Variants in UGT1A5 observed in about 807,000 individuals in gnomAD.
The protein encoded by UGT1A5 is UDP glucuronosyltransferase family 1 member A5, also known as UDP-glucuronosyltransferase 1A5.
UGT1A5 carries 29 observed loss-of-function variants against 40.3 expected under a neutral mutation model. The ratio of observed to expected loss-of-function variants is 0.72; its 90% CI spans 0.54 to 0.98. The LOEUF is 0.98. UGT1A5 is among the 50% of genes least tolerant of loss of function. The pLI is 0.00. For missense variants in UGT1A5, 678 were observed against 677.9 expected, an observed-to-expected ratio of 1.00 and a Z score of 0.00; for synonymous variants, 257 against 262.5, an observed-to-expected ratio of 0.98 and a Z score of 0.20.
intron 1 of UGT1A5, chr2:233,729,586 G>T (rs138085546): frequency 2.5e-6 from 4 of 1,614,044 alleles, no homozygotes; most frequent in Non-Finnish European, 2.5e-6. Flanking sequence ...AACAGACCCC[G>T]TTAACCTCTG....
intron 2 of UGT1A5, 103 bp from the exon 3 acceptor site, chr2:233,767,746 A>G (rs1269401537): frequency 1.3e-6 from 2 of 1,589,042 alleles, no homozygotes; most frequent in Non-Finnish European, 1.7e-6. Flanking sequence ...TCTGTTAAAG[A>G]CTGTTCCTTC....
rs945545582 is a variant in UGT1A5, at chr2:233,772,813, G to A, written c.*254G>A. On this transcript the variant is annotated 3_prime_UTR_variant, in exon 5 of 5. Coordinates refer to ENST00000373414, the MANE Select transcript of UGT1A5 (RefSeq NM_019078.2). ...TGACATGTGCCATTTTTCAGAGGAC[G>A]TGCAGACAGGCTGGCATTCTAGATT... 2 of 1,026,302 alleles carry A rather than the reference G, an allele frequency of 1.9e-6. No individual in the cohort carries two copies. Among genetic ancestry groups the A allele is most frequent in the Admixed American group, 3.1e-5 (1 of 32,076 alleles). 63.6% of individuals were successfully genotyped at this position (1,026,302 alleles called of 1,614,324 possible).
intron 1 of UGT1A5, chr2:233,743,004 A>G (rs1469348172): frequency 4.2e-6 from 1 of 237,384 alleles, no homozygotes; most frequent in Admixed American, 5.1e-5. Context: ...GCATACAGAT[A>G]TTTTACAACG....
At chr2:233,734,911 G>C (rs1486210050) in intron 1 of UGT1A5, among the ~76,000 whole-genome samples, 1 of 152,162 alleles carries the variant, frequency 6.6e-6, no homozygotes, top group African/African-American at 2.4e-5. Context: ...TTTTACATTT[G>C]CTAAGGAGTG....
At chr2:233,752,890 C>A (rs537828663) in intron 1 of UGT1A5, among the ~76,000 whole-genome samples, 13 of 152,204 alleles carry the variant, frequency 8.5e-5, no homozygotes, top group Admixed American at 7.2e-4. Context: ...AACTAGCCAG[C>A]GTTGTTACAG....
rs374909970 is a variant in UGT1A5 at position 233,712,971 on chromosome 2, C to T, written c.-21C>T. 564 of 1,612,936 alleles carry T rather than the reference C, an allele frequency of 3.5e-4. No homozygotes were observed. The highest frequency in any genetic ancestry group is 4.5e-4 in the Non-Finnish European group (528 of 1,180,058). On this transcript the variant is annotated 5_prime_UTR_variant, in exon 1 of 5. Coordinates refer to ENST00000373414, the MANE Select transcript of UGT1A5 (RefSeq NM_019078.2). ...GGCACAACGTGGGGTGGACAGTCAG[C>T]TGTCGGTGGCTTCTGCTGAGATGGC... is the stretch of plus-strand genomic sequence containing the variant.
intron 1 of UGT1A5, among the ~76,000 whole-genome samples, chr2:233,748,275 A>G (rs147171654): frequency 6.6e-6 from 1 of 151,830 alleles, no homozygotes; most frequent in Non-Finnish European, 1.5e-5. Context: ...CAATGAGAGG[A>G]AGAAGAGGCA....
Position 233,768,449 on chromosome 2 carries a change from A to T in UGT1A5, c.1307+10A>T, listed in dbSNP as rs757647919. 6.2e-7 allele frequency: 1 copy of T among 1,611,702 alleles called. No individual in the cohort carries two copies. The highest frequency in any genetic ancestry group is 8.5e-7 in the Non-Finnish European group (1 of 1,178,666). On this transcript the variant is annotated intron_variant, in intron 4 of 4. Coordinates refer to ENST00000373414, the MANE Select transcript of UGT1A5 (RefSeq NM_019078.2). ...TCATCAATGACAAAAGGTAAGAAAG[A>T]AGATACAGAAGAATACTTTGGTCAT...
At chr2:233,749,493 CT>C (rs951030576) in intron 1 of UGT1A5, among the ~76,000 whole-genome samples, 1 of 151,760 alleles carries the variant, frequency 6.6e-6, no homozygotes, top group Non-Finnish European at 1.5e-5. Context: ...TGCTATGCCC[CT>C]TAGAGAATTA....
At chr2:233,743,598 G>C in intron 1 of UGT1A5, 1 of 1,367,308 alleles carries the variant, frequency 7.3e-7, no homozygotes, top group Non-Finnish European at 9.8e-7. Flanking sequence ...AATGGGTCCT[G>C]GCCGCCGAAG....
intron 1 of UGT1A5, among the ~76,000 whole-genome samples, chr2:233,735,578 G>A (rs576016505): frequency 1.6e-4 from 25 of 152,112 alleles, no homozygotes; most frequent in Non-Finnish European, 2.9e-4. Context: ...TATTTTGCCC[G>A]TTAATTGATG....
At chr2:233,746,687 C>T (rs192486679) in intron 1 of UGT1A5, among the ~76,000 whole-genome samples, 86 of 151,912 alleles carry the variant, frequency 5.7e-4, no homozygotes, top group Non-Finnish European at 1.1e-3. Context: ...AGGGCTCACA[C>T]ATTCCATAAA....
intron 1 of UGT1A5, among the ~76,000 whole-genome samples, chr2:233,720,265 G>T (rs928123485): frequency 1.2e-4 from 19 of 152,154 alleles, no homozygotes; most frequent in Admixed American, 1.0e-3. Flanking sequence ...AGAGGGATCT[G>T]TCCTGAGAAA....
intron 1 of UGT1A5, 25 bp from the exon 2 acceptor site, chr2:233,767,005 TTAAC>T (rs753326341): frequency 3.7e-6 from 6 of 1,613,726 alleles, no homozygotes; most frequent in Non-Finnish European, 5.1e-6. Flanking sequence ...TGAGAAAAAA[TTAAC>T]TGAAAATTTT....
intron 1 of UGT1A5, among the ~76,000 whole-genome samples, chr2:233,744,769 C>T (rs1692917146): frequency 6.6e-6 from 1 of 151,856 alleles, no homozygotes; most frequent in Non-Finnish European, 1.5e-5. Flanking sequence ...TTTAACTTTG[C>T]AAAATTCTCC....
At chr2:233,748,271 GAGGA>G (rs762610387) in intron 1 of UGT1A5, among the ~76,000 whole-genome samples, 6 of 151,770 alleles carry the variant, frequency 4.0e-5, no homozygotes, top group Admixed American at 1.3e-4. Flanking sequence ...TGGTCAATGA[GAGGA>G]AGAAGAGGCA....
intron 1 of UGT1A5, chr2:233,760,709 C>A (rs774109568): frequency 6.2e-7 from 1 of 1,614,204 alleles, no homozygotes; most frequent in African/African-American, 1.3e-5. Flanking sequence ...GCCTCCCTGG[C>A]AGAAAGCAGC....
chr2:233,761,438 A>G (rs1335864417), intron 1 of UGT1A5, among the ~76,000 whole-genome samples: 1 of 152,232 alleles, frequency 6.6e-6, no homozygotes, highest in East Asian at 1.9e-4. Flanking sequence ...CCATAGGCAC[A>G]GAATGCTGGG....
At position 233,767,864 on chromosome 2, in the gene UGT1A5, A is replaced by G. The variant is rs748591879; in HGVS notation, c.1015A>G (p.Thr339Ala). 51 of 1,614,144 alleles carry G rather than the reference A, an allele frequency of 3.2e-5. No individual in the cohort carries two copies. Among genetic ancestry groups the G allele is most frequent in the Non-Finnish European group, 3.9e-5 (46 of 1,180,042 alleles). Residue 339 changes from threonine (T) to alanine (A), a missense_variant, in exon 3 of 5, where the codon ACT (threonine) becomes GCT (alanine). Transcript: ENST00000373414. ...CCCCTCCCAGGTCCTGTGGCGGTAC[A>G]CTGGAACCCGACCATCGAATCTTGC... ...KIPQTVLWRYTGTRPSNLANN... is the reference protein window; with the variant it reads ...KIPQTVLWRYAGTRPSNLANN...
Sources: gnomAD v4.1 joint callset for allele counts (sites outside exome capture counted in the v4.1 genomes callset) on GRCh38, gnomAD v4.1.1 for gene constraint, MANE v1.5 for transcripts, NCBI Gene and HGNC (gene_info 2026-07-23, HGNC 2026-07-21) for gene names.